Variants in TSG101 observed in about 807,000 individuals in gnomAD.
TSG101 encodes the protein tumor susceptibility gene 101 protein.
TSG101 carries 19 observed loss-of-function variants against 48.5 expected under a neutral mutation model. That is an observed-to-expected ratio of 0.39 (90% CI 0.27 to 0.58). The LOEUF is 0.58. TSG101 is among the 20% of genes least tolerant of loss of function. The pLI is 0.55. For synonymous variants in TSG101, 174 were observed against 169.4 expected (o/e 1.03, Z -0.21); for missense variants, 365 against 484.4 (o/e 0.75, Z 2.31).
At chr11:18,482,827 T>C (rs1328309968) in intron 8 of TSG101, among the ~76,000 whole-genome samples, 1 of 152,224 alleles carries the variant, frequency 6.6e-6, no homozygotes, top group African/African-American at 2.4e-5. Context: ...GCTCCTAAGA[T>C]GTGCAGATCT....
intron 1 of TSG101, among the ~76,000 whole-genome samples, chr11:18,523,625 C>T (rs1850317448): frequency 6.6e-6 from 1 of 152,272 alleles, no homozygotes; most frequent in East Asian, 1.9e-4. Flanking sequence ...TTCTCAGCTT[C>T]CCGAGTAGCT....
rs1303996633 is a variant in TSG101 at position 18,519,582 on chromosome 11, C to A, written c.64G>T (p.Val22Leu). ...GTAATAACATTGACAGTTTCACGTACAGTTAGGTCTCTGTATTTGTACTGA... is the reference window on the plus strand; with the variant it reads ...GTAATAACATTGACAGTTTCACGTAAAGTTAGGTCTCTGTATTTGTACTGA... ...VSKYKYRDLT[V>L]RETVNVITLY... The change falls in exon 2 of 10, where the codon GTA (valine) becomes TTA (leucine). Residue 22 changes from valine (V) to leucine (L), a missense_variant. Coordinates refer to ENST00000251968, the MANE Select transcript of TSG101 (RefSeq NM_006292.4). 7.4e-6 allele frequency: 12 copies of A among 1,612,406 alleles called. No individual in the cohort carries two copies. Among genetic ancestry groups the A allele is most frequent in the Non-Finnish European group, 1.0e-5 (12 of 1,179,488 alleles).
chr11:18,522,490 C>G (rs1374186709), intron 1 of TSG101, among the ~76,000 whole-genome samples: 1 of 152,208 alleles, frequency 6.6e-6, no homozygotes, highest in Non-Finnish European at 1.5e-5. Flanking sequence ...CAAAATACAT[C>G]CGGAATCTCC....
chr11:18,484,014 C>A lies in TSG101; in HGVS notation c.699G>T (p.Ala233=). The A allele has an allele frequency of 6.2e-7, 1 of 1,614,122 alleles. No homozygotes were observed. Among genetic ancestry groups the A allele is most frequent in the Non-Finnish European group, 8.5e-7 (1 of 1,180,032 alleles). Residue 233 remains alanine, a synonymous_variant, in exon 8 of 10, where the codon GCG becomes GCT. Coordinates refer to ENST00000251968, the MANE Select transcript of TSG101 (RefSeq NM_006292.4). ...EDTIRASLIS[A]VSDKLRWRMK... ...TCCGCCATCTCAGTTTGTCACTGAC[C>A]GCAGAGATGAGAGAGGCTCGGATGG...
chr11:18,480,378 CATTA>C lies in TSG101; in HGVS notation c.*164_*167del. The C allele has an allele frequency of 2.0e-6, 1 of 504,162 alleles. No homozygotes were observed. Among genetic ancestry groups the C allele is most frequent in the Non-Finnish European group, 3.5e-6 (1 of 289,138 alleles). 31.2% of individuals were successfully genotyped at this position (504,162 alleles called of 1,614,324 possible). On this transcript the variant is annotated 3_prime_UTR_variant, in exon 10 of 10. Coordinates refer to ENST00000251968, the MANE Select transcript of TSG101 (RefSeq NM_006292.4). The stretch of plus-strand genomic sequence containing the variant: ...AAAAGTTTACAGAGGATAGAAAGTG[CATTA>C]ATAAAAGCCAGTCTTTACCAAAAGA...
At chr11:18,496,463 A>AAAATAAAATAAAATAAAATAAAATAAAAT (rs1590275639) in intron 7 of TSG101, among the ~76,000 whole-genome samples, 6 of 139,980 alleles carry the variant, frequency 4.3e-5, no homozygotes, top group Admixed American at 7.1e-5. Context: ...AAAATAAAAT[A>AAAATAAAATAAAATAAAATAAAATAAAAT]AAATAAAATA....
chr11:18,489,213 C>T (rs1361207709), intron 7 of TSG101, among the ~76,000 whole-genome samples: 3 of 151,436 alleles, frequency 2.0e-5, no homozygotes, highest in Non-Finnish European at 2.9e-5. Flanking sequence ...GCAATCTCTA[C>T]AGAACATCAT....
intron 2 of TSG101, 84 bp downstream of exon 2, chr11:18,519,435 A>G: frequency 8.5e-7 from 1 of 1,181,292 alleles, no homozygotes; most frequent in South Asian, 1.4e-5. Context: ...AAATCCACAA[A>G]CCTCAAATGG....
At chr11:18,520,844 AAC>A (rs1850260033) in intron 1 of TSG101, among the ~76,000 whole-genome samples, 1 of 152,050 alleles carries the variant, frequency 6.6e-6, no homozygotes, top group Non-Finnish European at 1.5e-5. Flanking sequence ...CAGCCTGGCC[AAC>A]ACAGTGAAAC....
chr11:18,518,824 T>A (rs748856068), intron 2 of TSG101, among the ~76,000 whole-genome samples: 58 of 152,228 alleles, frequency 3.8e-4, no homozygotes, highest in Middle Eastern at 3.4e-3. Flanking sequence ...TAAATCTTCA[T>A]GCAATGAAAC....
intron 1 of TSG101, among the ~76,000 whole-genome samples, chr11:18,525,382 T>C (rs1175556667): frequency 1.3e-5 from 2 of 151,722 alleles, no homozygotes; most frequent in Non-Finnish European, 2.9e-5. Context: ...CCGTCTCTAC[T>C]AAAAATACAA....
intron 7 of TSG101, among the ~76,000 whole-genome samples, chr11:18,499,201 A>C (rs1386105427): frequency 1.4e-5 from 2 of 139,468 alleles, no homozygotes; most frequent in Non-Finnish European, 3.0e-5. Flanking sequence ...TTTTAAATAT[A>C]TATATATAAA....
chr11:18,510,633 C>A (rs138153893), intron 4 of TSG101, among the ~76,000 whole-genome samples: 3 of 152,092 alleles, frequency 2.0e-5, no homozygotes, highest in African/African-American at 7.2e-5. Flanking sequence ...TTTGGGAGGC[C>A]AAGGCAGGAG....
At chr11:18,509,027 A>G (rs1461778002) in intron 5 of TSG101, among the ~76,000 whole-genome samples, 1 of 152,222 alleles carries the variant, frequency 6.6e-6, no homozygotes, top group Non-Finnish European at 1.5e-5. Context: ...CACTCTCTCC[A>G]TGCTCCCACC....
intron 7 of TSG101, among the ~76,000 whole-genome samples, chr11:18,493,019 C>T (rs918037962): frequency 6.6e-6 from 1 of 152,130 alleles, no homozygotes; most frequent in African/African-American, 2.4e-5. Context: ...ATTCTCTATA[C>T]CTGCTATAAC....
chr11:18,512,390 T>G (rs1850098689), intron 4 of TSG101, among the ~76,000 whole-genome samples: 1 of 152,188 alleles, frequency 6.6e-6, no homozygotes, highest in South Asian at 2.1e-4. Context: ...ATTTTTCAGT[T>G]CTAAGATTTC....
At chr11:18,522,917 T>C (rs1330877853) in intron 1 of TSG101, among the ~76,000 whole-genome samples, 1 of 152,198 alleles carries the variant, frequency 6.6e-6, no homozygotes, top group African/African-American at 2.4e-5. Flanking sequence ...CTTGACAGGA[T>C]CTTGCTCTGT....
At chr11:18,512,682 ACAGT>A (rs542846980) in intron 4 of TSG101, among the ~76,000 whole-genome samples, 84 of 151,386 alleles carry the variant, frequency 5.5e-4, no homozygotes, top group South Asian at 1.7e-3. Flanking sequence ...TGGCAGGCAG[ACAGT>A]CAGGATCAGG....
rs780964498 is a variant in TSG101, at chr11:18,480,615, A to C, written c.1104T>G (p.Arg368=). Residue 368 remains arginine, a synonymous_variant, in exon 10 of 10, where the codon CGT becomes CGG. Transcript: ENST00000251968. ...TTAGTGCCCTCAGCTGGAACTGTTTACGGGACAGAAGACGTACATGCTGGG... is the reference window on the plus strand; with the variant it reads ...TTAGTGCCCTCAGCTGGAACTGTTTCCGGGACAGAAGACGTACATGCTGGG... ...VFLKHVRLLS[R]KQFQLRALMQ... The C allele has an allele frequency of 1.9e-6, 3 of 1,613,958 alleles. No individual in the cohort carries two copies. The South Asian group carries it at 3.3e-5, about 18-fold the overall frequency.
Sources: allele counts gnomAD v4.1 joint callset (sites outside exome capture counted in the v4.1 genomes callset), GRCh38; gene constraint gnomAD v4.1.1; transcripts MANE v1.5; gene names NCBI Gene and HGNC (gene_info 2026-07-23, HGNC 2026-07-21).